Variants in PCDH9 observed in about 807,000 individuals in gnomAD.
PCDH9 encodes the protein protocadherin 9.
A neutral mutation model predicts 70.6 loss-of-function variants in PCDH9; 24 were observed. The observed-to-expected ratio is 0.34, with a 90% CI of 0.25 to 0.48. The LOEUF is 0.48. PCDH9 is among the 20% of genes least tolerant of loss of function. The pLI is 0.99. For synonymous variants in PCDH9, 562 were observed against 558.5 expected (o/e 1.01, Z -0.09); for missense variants, 1,281 against 1,503.6 (o/e 0.85, Z 2.45).
At chr13:66,324,463 T>A (rs753914271) in intron 4 of PCDH9, among the ~76,000 whole-genome samples, 1 of 152,082 alleles carries the variant, frequency 6.6e-6, no homozygotes, top group Non-Finnish European at 1.5e-5. Flanking sequence ...CTAGGATGAA[T>A]TTAGAGCTTC....
chr13:66,908,127 G>C (rs537697874), intron 2 of PCDH9, among the ~76,000 whole-genome samples: 2 of 152,222 alleles, frequency 1.3e-5, no homozygotes, highest in South Asian at 2.1e-4. Context: ...CATTTCTTTA[G>C]AGATCCACAT....
intron 2 of PCDH9, among the ~76,000 whole-genome samples, chr13:67,167,194 T>C (rs1430457009): frequency 2.0e-5 from 3 of 152,182 alleles, no homozygotes; most frequent in East Asian, 1.9e-4. Flanking sequence ...AAGCACATGA[T>C]GAAGTGGTTA....
intron 4 of PCDH9, among the ~76,000 whole-genome samples, chr13:66,519,930 T>TCA (rs1482059259): frequency 1.3e-5 from 2 of 152,170 alleles, no homozygotes; most frequent in Non-Finnish European, 2.9e-5. Flanking sequence ...TGAAAAAGTA[T>TCA]CACACTAAAT....
chr13:66,803,933 G>T (rs2080368536), intron 3 of PCDH9, among the ~76,000 whole-genome samples: 1 of 152,132 alleles, frequency 6.6e-6, no homozygotes, highest in Non-Finnish European at 1.5e-5. Context: ...GATTTTCTTG[G>T]TGTAATAACC....
chr13:66,420,007 T>C (rs186630134), intron 4 of PCDH9, among the ~76,000 whole-genome samples: 3 of 152,202 alleles, frequency 2.0e-5, no homozygotes, highest in African/African-American at 7.2e-5. Context: ...CCGCCATTAC[T>C]GAGGCTTGAG....
intron 4 of PCDH9, among the ~76,000 whole-genome samples, chr13:66,445,190 A>T (rs1281941710): frequency 6.8e-6 from 1 of 147,074 alleles, no homozygotes; most frequent in Non-Finnish European, 1.5e-5. Flanking sequence ...TAAAATCACC[A>T]TGTAGTACAC....
chr13:67,015,377 A>AT (rs2084540361), intron 2 of PCDH9, among the ~76,000 whole-genome samples: 1 of 152,132 alleles, frequency 6.6e-6, no homozygotes, highest in Non-Finnish European at 1.5e-5. Context: ...ATGAAGCTTA[A>AT]TTTACAAAAA....
intron 3 of PCDH9, among the ~76,000 whole-genome samples, chr13:66,701,840 T>C (rs2078651843): frequency 6.6e-6 from 1 of 152,224 alleles, no homozygotes. Context: ...ATGTGCTCAA[T>C]GCCATGTACA....
intron 2 of PCDH9, among the ~76,000 whole-genome samples, chr13:67,008,409 G>A (rs1183625999): frequency 1.3e-5 from 2 of 152,090 alleles, no homozygotes; most frequent in African/African-American, 2.4e-5. Flanking sequence ...GGTGAAGACT[G>A]TATGTAATTA....
chr13:66,343,087 C>G (rs9540717), intron 4 of PCDH9, among the ~76,000 whole-genome samples: 61,361 of 151,960 alleles, frequency 0.4, 13,665 homozygotes, highest in Admixed American at 0.56. Flanking sequence ...TCTGTAATTG[C>G]TGTAGCTGGG....
chr13:66,929,696 T>C (rs1161233543), intron 2 of PCDH9, among the ~76,000 whole-genome samples: 1 of 152,186 alleles, frequency 6.6e-6, no homozygotes, highest in African/African-American at 2.4e-5. Context: ...GTTCCTATGA[T>C]AAAAGGTAGT....
At chr13:67,000,032 C>G (rs1009833411) in intron 2 of PCDH9, among the ~76,000 whole-genome samples, 1 of 152,074 alleles carries the variant, frequency 6.6e-6, no homozygotes, top group Non-Finnish European at 1.5e-5. Flanking sequence ...CACATGCACA[C>G]GTATGTTTAT....
intron 3 of PCDH9, among the ~76,000 whole-genome samples, chr13:66,775,306 C>T (rs1488496204): frequency 6.6e-6 from 1 of 152,200 alleles, no homozygotes; most frequent in Non-Finnish European, 1.5e-5. Context: ...TTTATTGTCC[C>T]AAATGGGGCC....
chr13:66,991,450 T>C (rs2084001080), intron 2 of PCDH9, among the ~76,000 whole-genome samples: 1 of 152,102 alleles, frequency 6.6e-6, no homozygotes, highest in Non-Finnish European at 1.5e-5. Flanking sequence ...AAAAAATATA[T>C]ATTAAAGAAT....
At chr13:66,719,472 A>G (rs2078913362) in intron 3 of PCDH9, among the ~76,000 whole-genome samples, 1 of 152,178 alleles carries the variant, frequency 6.6e-6, no homozygotes, top group South Asian at 2.1e-4. Context: ...GTGAGGACTC[A>G]GTAACAAGGT....
chr13:66,915,164 A>G (rs1429041961), intron 2 of PCDH9: 1 of 151,704 alleles, frequency 6.6e-6, no homozygotes, highest in African/African-American at 2.4e-5. Context: ...TACTGATAAT[A>G]GCAATCCACT....
At chr13:66,776,250 T>C (rs970561808) in intron 3 of PCDH9, among the ~76,000 whole-genome samples, 2 of 150,654 alleles carry the variant, frequency 1.3e-5, no homozygotes, top group African/African-American at 4.9e-5. Context: ...ACCGCTCCTA[T>C]TCAACATAGT....
At chr13:66,313,954 T>C (rs897663570) in intron 4 of PCDH9, among the ~76,000 whole-genome samples, 10 of 152,234 alleles carry the variant, frequency 6.6e-5, no homozygotes, top group African/African-American at 2.2e-4. Context: ...ACATCAGATA[T>C]GGAATCCATG....
chr13:67,003,405 A>G (rs1207968377), intron 2 of PCDH9, among the ~76,000 whole-genome samples: 3 of 152,116 alleles, frequency 2.0e-5, no homozygotes, highest in African/African-American at 7.2e-5. Context: ...TCCTCTCCTT[A>G]TTCCATAGTA....
Sources: gnomAD v4.1 joint callset for allele counts (sites outside exome capture counted in the v4.1 genomes callset) on GRCh38, gnomAD v4.1.1 for gene constraint, MANE v1.5 for transcripts, NCBI Gene and HGNC (gene_info 2026-07-23, HGNC 2026-07-21) for gene names.